PCDHGB3: variants seen among roughly 807,000 people sequenced by gnomAD.
PCDHGB3 encodes the protein protocadherin gamma subfamily B, 3.
Under a neutral mutation model 59.2 loss-of-function variants are expected in PCDHGB3, and 40 were observed. That is an observed-to-expected ratio of 0.68 (90% CI 0.52 to 0.88). PCDHGB3 has a LOEUF of 0.88. Ranked by LOEUF, PCDHGB3 falls within the 40% of genes least tolerant of loss-of-function variation. The pLI, the probability that PCDHGB3 is intolerant of heterozygous loss-of-function variation, is 0.00. For missense variants in PCDHGB3, 1,309 were observed against 1,187.9 expected (o/e 1.10, Z -1.50); for synonymous variants, 581 against 503.6 (o/e 1.15, Z -2.06).
chr5:141,427,440 G>T (rs747459662), intron 1 of PCDHGB3: 3 of 477,366 alleles, frequency 6.3e-6, no homozygotes, highest in South Asian at 3.1e-5. Flanking sequence ...CCTCATAAAC[G>T]AAAGAGTTCC....
At chr5:141,394,250 C>T (rs749533197) in intron 1 of PCDHGB3, 15 of 1,613,784 alleles carry the variant, frequency 9.3e-6, no homozygotes, top group Non-Finnish European at 1.0e-5. Flanking sequence ...CACACGACCC[C>T]GACAGCCAGG....
At chr5:141,465,826 T>A (rs1402342209) in intron 1 of PCDHGB3, among the ~76,000 whole-genome samples, 1 of 151,994 alleles carries the variant, frequency 6.6e-6, no homozygotes, top group Non-Finnish European at 1.5e-5. Context: ...CACATTTGTT[T>A]AAAATTTCAA....
At chr5:141,413,396 G>A in intron 1 of PCDHGB3, 1 of 1,614,060 alleles carries the variant, frequency 6.2e-7, no homozygotes, top group Non-Finnish European at 8.5e-7. Flanking sequence ...GTCTCCAGAG[G>A]TAGGACGCAG....
intron 1 of PCDHGB3, among the ~76,000 whole-genome samples, chr5:141,467,954 C>T (rs1467826790): frequency 1.3e-5 from 2 of 152,070 alleles, no homozygotes; most frequent in Admixed American, 6.6e-5. Flanking sequence ...CCACCACACC[C>T]GGCTGCCAGA....
chr5:141,511,733 T>C lies in PCDHGB3; in HGVS notation c.*560T>C, dbSNP rs1032711521. 9 of 177,040 alleles carry C rather than the reference T, an allele frequency of 5.1e-5. No individual in the cohort carries two copies. The highest frequency in any genetic ancestry group is 8.7e-5 in the Non-Finnish European group (7 of 80,868). The allele number at this position is 177,040 out of a possible 1,614,324, so 11.0% of individuals were successfully genotyped here. ...TCCTTCCAGAGCCCAAGATCAATGC[T>C]CAAGTTTTGGAGGACATGATCACCA... On this transcript the variant is annotated 3_prime_UTR_variant, in exon 4 of 4. Transcript: ENST00000576222.
rs758259761 is a variant in PCDHGB3, at chr5:141,371,022, C to T, written c.628C>T (p.Leu210=). 1.2e-4 allele frequency: 200 copies of T among 1,613,906 alleles called. No homozygotes were observed. The highest frequency in any genetic ancestry group is 1.6e-4 in the Non-Finnish European group (189 of 1,179,910). Residue 210 remains leucine, a synonymous_variant, in exon 1 of 4, where the codon CTG becomes TTG. Coordinates refer to ENST00000576222, the MANE Select transcript of PCDHGB3 (RefSeq NM_018924.5). The part of the protein sequence containing the change: ...LDREEQPHHH[L]VLTAVDGGEP... ...CAGGGAAGAGCAGCCACATCACCAC[C>T]TGGTCCTCACAGCTGTGGATGGGGG... is the stretch of plus-strand genomic sequence containing the variant.
Position 141,512,495 on chromosome 5 carries a change from C to T in PCDHGB3, c.*1322C>T, listed in dbSNP as rs2099884264. 1 of 152,920 alleles carries T rather than the reference C, an allele frequency of 6.5e-6. No homozygotes were observed. The highest frequency in any genetic ancestry group is 1.5e-5 in the Non-Finnish European group (1 of 68,240). The allele number at this position is 152,920 out of a possible 1,614,324, so 9.5% of individuals were successfully genotyped here. A position where few individuals can be genotyped will look rare whatever the true frequency, so the allele number is the denominator to read the frequency against. On this transcript the variant is annotated 3_prime_UTR_variant, in exon 4 of 4. Coordinates refer to ENST00000576222, the MANE Select transcript of PCDHGB3 (RefSeq NM_018924.5). ...TTCCGTGAAGGCCACTGCCCAGGTCCCCAGTGCGCCCCCTAGTGGCCATAG... is the reference window on the plus strand; with the variant it reads ...TTCCGTGAAGGCCACTGCCCAGGTCTCCAGTGCGCCCCCTAGTGGCCATAG...
chr5:141,383,615 C>G lies in PCDHGB3; in HGVS notation c.2415+10806C>G, dbSNP rs17097251. 9.9e-6 allele frequency: 16 copies of G among 1,613,694 alleles called. No homozygotes were observed. The Admixed American group carries it at 2.3e-4, about 24-fold the overall frequency. On this transcript the variant is annotated intron_variant, in intron 1 of 3. Coordinates refer to ENST00000576222, the MANE Select transcript of PCDHGB3 (RefSeq NM_018924.5). The stretch of plus-strand genomic sequence containing the variant: ...ACAGTGGTGGATGTGAATGACCACA[C>G]GCCTGTCTTCTCTCTGCCTCAGTAC...
At chr5:141,510,828 C>T in intron 3 of PCDHGB3, 119 bp from the exon 4 acceptor site, 18 of 1,572,154 alleles carry the variant, frequency 1.1e-5, no homozygotes, top group Non-Finnish European at 1.6e-5. Context: ...ATTCCCAGTG[C>T]TCAGCGTGGT....
rs1364415249 is a variant in PCDHGB3 at position 141,489,240 on chromosome 5, C to A, written c.2416-5567C>A. The stretch of plus-strand genomic sequence containing the variant: ...ACTCTCCACAAAGGGACTTCTGGGT[C>A]ATGGGGCCCAAGACACTCCCACAGC... On this transcript the variant is annotated intron_variant, in intron 1 of 3. Coordinates refer to ENST00000576222, the MANE Select transcript of PCDHGB3 (RefSeq NM_018924.5). The surrounding 1 kb of genome is among the most constrained non-coding windows in gnomAD (Gnocchi z 4.5). 1 of 1,534,136 alleles carries A rather than the reference C, an allele frequency of 6.5e-7. No individual in the cohort carries two copies. Among genetic ancestry groups the A allele is most frequent in the South Asian group, 1.3e-5 (1 of 76,896 alleles).
rs370190281 is a variant in PCDHGB3, at chr5:141,401,943, A to G, written c.2415+29134A>G. Among the ~76,000 whole-genome samples the G allele has an allele frequency of 3.9e-5, 6 of 152,312 alleles. No homozygotes were observed. In the South Asian group the frequency reaches 1.0e-3, roughly 26 times the overall value. On this transcript the variant is annotated intron_variant, in intron 1 of 3. Coordinates refer to ENST00000576222, the MANE Select transcript of PCDHGB3 (RefSeq NM_018924.5). ...AGTGATGCTTAGAATAATGTTTAAG[A>G]CCACTTTAAAATTGCATAATTTATT...
intron 1 of PCDHGB3, chr5:141,415,739 G>GT (rs1561759437): frequency 3.9e-5 from 17 of 435,138 alleles, no homozygotes; most frequent in African/African-American, 2.3e-4. Flanking sequence ...TGTTTATTAA[G>GT]GTTTTTTTTT....
intron 1 of PCDHGB3, among the ~76,000 whole-genome samples, chr5:141,468,193 C>T (rs2099159672): frequency 6.6e-6 from 1 of 151,600 alleles, no homozygotes; most frequent in Non-Finnish European, 1.5e-5. Flanking sequence ...GGCATGGTGG[C>T]GGGTGCCTGT....
chr5:141,415,080 C>T (rs1426953509), intron 1 of PCDHGB3: 1 of 1,613,526 alleles, frequency 6.2e-7, no homozygotes, highest in African/African-American at 1.3e-5. Context: ...CGGCGCGAGC[C>T]CTGCTGGACA....
chr5:141,449,300 T>C (rs2098635283), intron 1 of PCDHGB3, among the ~76,000 whole-genome samples: 1 of 152,090 alleles, frequency 6.6e-6, no homozygotes, highest in Non-Finnish European at 1.5e-5. Flanking sequence ...GGGTGAATTA[T>C]ATGTATTATA....
chr5:141,433,307 C>A, intron 1 of PCDHGB3: 1 of 913,756 alleles, frequency 1.1e-6, no homozygotes, highest in Non-Finnish European at 1.6e-6. Flanking sequence ...AATTATCCCA[C>A]CTTTGCCTCC....
intron 2 of PCDHGB3, among the ~76,000 whole-genome samples, chr5:141,501,290 TACACAC>T (rs55762287): frequency 0.081 from 10,957 of 136,038 alleles, 480 homozygotes; most frequent in African/African-American, 0.13. Context: ...TATTCCCTTA[TACACAC>T]ACACACACAC....
intron 1 of PCDHGB3, among the ~76,000 whole-genome samples, chr5:141,437,987 C>T (rs2097922147): frequency 1.3e-5 from 2 of 152,156 alleles, no homozygotes; most frequent in African/African-American, 2.4e-5. Flanking sequence ...GCACCCACCC[C>T]ACCTCAGCCT....
chr5:141,471,789 TCATATAAAAGA>T (rs777265354), intron 1 of PCDHGB3, among the ~76,000 whole-genome samples: 14 of 152,224 alleles, frequency 9.2e-5, no homozygotes, highest in Non-Finnish European at 1.9e-4. Flanking sequence ...TTATGCTATG[TCATATAAAAGA>T]CATATAAAAG....
Sources: allele counts gnomAD v4.1 joint callset (sites outside exome capture counted in the v4.1 genomes callset), GRCh38; gene constraint gnomAD v4.1.1; non-coding constraint Gnocchi (gnomAD v3.1); transcripts MANE v1.5; gene names NCBI Gene and HGNC (gene_info 2026-07-23, HGNC 2026-07-21).